Variants in ADARB1 observed in about 807,000 individuals in gnomAD.
ADARB1 encodes adenosine deaminase RNA specific B1.
Under a neutral mutation model 52.4 loss-of-function variants are expected in ADARB1, and 10 were observed. That is an observed-to-expected ratio of 0.19 (90% CI 0.12 to 0.32). The LOEUF (loss-of-function observed/expected upper bound fraction) is 0.32, where lower values mean the gene tolerates loss of function less well. Ranked by LOEUF, ADARB1 falls within the 10% of genes least tolerant of loss-of-function variation. The pLI, the probability that ADARB1 is intolerant of heterozygous loss-of-function variation, is 1.00. For missense variants in ADARB1, 643 were observed against 922.3 expected, an observed-to-expected ratio of 0.70 and a Z score of 3.92; for synonymous variants, 349 against 371.1, an observed-to-expected ratio of 0.94 and a Z score of 0.68.
intron 9 of ADARB1, among the ~76,000 whole-genome samples, chr21:45,218,204 A>C (rs2092903038): frequency 6.6e-6 from 1 of 152,018 alleles, no homozygotes. Flanking sequence ...ACCCTACCTA[A>C]ACCTGCCCCA....
intron 1 of ADARB1, among the ~76,000 whole-genome samples, chr21:45,102,238 C>T (rs1056083295): frequency 3.3e-5 from 5 of 152,132 alleles, no homozygotes; most frequent in African/African-American, 1.2e-4. Flanking sequence ...AATTATCTTC[C>T]TTACCTTGGT....
rs758404293 is a variant in ADARB1 at position 45,208,656 on chromosome 21, G to T, written c.1747+3920G>T. 5.3e-4 allele frequency among the ~76,000 whole-genome samples: 81 copies of T among 152,076 alleles called. No individual in the cohort carries two copies. Among genetic ancestry groups the T allele is most frequent in the South Asian group, 8.3e-4 (4 of 4,810 alleles). Reference sequence around the variant, plus strand: ...TGTGTGTGTGAGTGCATGTGAGTGTGTGCATGAGTGCGTGTGTGTATGAGT... The same window carrying T: ...TGTGTGTGTGAGTGCATGTGAGTGTTTGCATGAGTGCGTGTGTGTATGAGT... On this transcript the variant is annotated intron_variant, in intron 9 of 10. Coordinates refer to ENST00000348831, the MANE Select transcript of ADARB1 (RefSeq NM_001112.4). The surrounding 1 kb of genome is among the most constrained non-coding windows in gnomAD (Gnocchi z 5.6).
chr21:45,098,014 C>CT (rs2086838803), intron 1 of ADARB1, among the ~76,000 whole-genome samples: 1 of 152,202 alleles, frequency 6.6e-6, no homozygotes, highest in South Asian at 2.1e-4. Flanking sequence ...CACCCAGCTG[C>CT]TGGAAACCTG....
intron 2 of ADARB1, chr21:45,144,738 A>G: frequency 2.4e-6 from 1 of 421,412 alleles, no homozygotes; most frequent in Non-Finnish European, 4.8e-6. Context: ...ATGAATTAAT[A>G]TGCAGTAAGA....
chr21:45,170,860 A>T (rs1361504201), intron 2 of ADARB1, among the ~76,000 whole-genome samples: 1 of 152,250 alleles, frequency 6.6e-6, no homozygotes, highest in Non-Finnish European at 1.5e-5. Context: ...ATTTGTTAGT[A>T]ACTAGAAATT....
intron 2 of ADARB1, among the ~76,000 whole-genome samples, chr21:45,146,807 G>T (rs772423348): frequency 6.6e-6 from 1 of 152,178 alleles, no homozygotes; most frequent in Non-Finnish European, 1.5e-5. Flanking sequence ...TTTACCATCT[G>T]TCTTTTCCTT....
At chr21:45,161,479 C>T (rs1286513230) in intron 2 of ADARB1, among the ~76,000 whole-genome samples, 3 of 152,210 alleles carry the variant, frequency 2.0e-5, no homozygotes, top group East Asian at 3.9e-4. Context: ...CAGGGCAGTG[C>T]TGACATGCCA....
At chr21:45,150,338 C>T (rs982926957) in intron 2 of ADARB1, among the ~76,000 whole-genome samples, 1 of 151,946 alleles carries the variant, frequency 6.6e-6, no homozygotes, top group African/African-American at 2.4e-5. Flanking sequence ...ATCTTTCTAT[C>T]AAAAATTTGA....
intron 2 of ADARB1, among the ~76,000 whole-genome samples, chr21:45,148,204 C>T (rs2090105964): frequency 1.3e-5 from 2 of 152,212 alleles, no homozygotes; most frequent in African/African-American, 4.8e-5. Context: ...TCCTTTATGC[C>T]CTCACGGACC....
At chr21:45,198,175 G>T (rs1029484831) in intron 8 of ADARB1, among the ~76,000 whole-genome samples, 1 of 152,182 alleles carries the variant, frequency 6.6e-6, no homozygotes, top group African/African-American at 2.4e-5. Context: ...AATTAGTTTT[G>T]TAAGCAACAA....
chr21:45,184,248 G>C (rs890380579), intron 7 of ADARB1, among the ~76,000 whole-genome samples: 1 of 152,058 alleles, frequency 6.6e-6, no homozygotes, highest in Non-Finnish European at 1.5e-5. Flanking sequence ...AAATATAGAG[G>C]AAAATAACAT....
At chr21:45,183,322 A>G (rs2091991649) in intron 6 of ADARB1, 40 bp from the exon 7 acceptor site, 2 of 1,567,466 alleles carry the variant, frequency 1.3e-6, no homozygotes, top group Admixed American at 2.0e-5. Flanking sequence ...TTAACTATAT[A>G]CAGCTTTAAA....
At chr21:45,205,861 T>A (rs192748138) in intron 9 of ADARB1, among the ~76,000 whole-genome samples, 1 of 152,318 alleles carries the variant, frequency 6.6e-6, no homozygotes, top group Admixed American at 6.5e-5. Flanking sequence ...TGTGTGCTTG[T>A]GTTTGTGCTG....
Position 45,175,961 on chromosome 21 carries a change from A to G in ADARB1, c.260A>G (p.Asn87Ser), listed in dbSNP as rs1375152496. The change falls in exon 4 of 11, where the codon AAT (asparagine) becomes AGT (serine). Residue 87 changes from asparagine to serine, a missense_variant. By Grantham distance (46) the Asn-to-Ser change is conservative. This residue lies in a region of ADARB1 where 380 missense variants were observed against 446.5 expected (regional missense o/e 0.85). Transcript: ENST00000348831. ...VLPKNALMQL[N>S]EIKPGLQYTL... Reference sequence around the variant, plus strand: ...CCCAAGAACGCCCTGATGCAGCTGAATGAGATCAAGCCTGGTTTGCAGTAC... The same window carrying G: ...CCCAAGAACGCCCTGATGCAGCTGAGTGAGATCAAGCCTGGTTTGCAGTAC... The G allele has an allele frequency of 6.2e-7, 1 of 1,611,996 alleles. No individual in the cohort carries two copies. The highest frequency in any genetic ancestry group is 8.5e-7 in the Non-Finnish European group (1 of 1,179,216).
Position 45,220,684 on chromosome 21 carries a change from C to A in ADARB1, c.1748-152C>A. 1.3e-6 allele frequency: 1 copy of A among 777,972 alleles called. No homozygotes were observed. Among genetic ancestry groups the A allele is most frequent in the Non-Finnish European group, 2.0e-6 (1 of 489,776 alleles). The allele number at this position is 777,972 out of a possible 1,614,324, so 48.2% of individuals were successfully genotyped here. On this transcript the variant is annotated intron_variant, in intron 9 of 10. Transcript: ENST00000348831. This position sits in a 1 kb window ranked among gnomAD's most constrained non-coding sequence, Gnocchi z 6.3. ...TGTGAGGCCACTGCCACGGCAGATG[C>A]ACGCTCAAGTCTGCGTATATTCCTC...
chr21:45,125,819 G>T (rs561791099), intron 1 of ADARB1, among the ~76,000 whole-genome samples: 2 of 152,328 alleles, frequency 1.3e-5, no homozygotes, highest in East Asian at 3.9e-4. Flanking sequence ...GCCGTTATAT[G>T]TAATTAATAC....
intron 2 of ADARB1, among the ~76,000 whole-genome samples, chr21:45,134,143 G>A (rs1300370844): frequency 2.5e-5 from 3 of 120,314 alleles, no homozygotes; most frequent in Non-Finnish European, 3.4e-5. Context: ...GTGTGTGCCC[G>A]ACAGTGGTGT....
At chr21:45,113,377 C>G (rs985608744) in intron 1 of ADARB1, among the ~76,000 whole-genome samples, 17 of 151,896 alleles carry the variant, frequency 1.1e-4, no homozygotes, top group Non-Finnish European at 2.2e-4. Context: ...GAGCTAAGAT[C>G]GTGCCACTGT....
At chr21:45,109,362 T>C (rs546944367) in intron 1 of ADARB1, among the ~76,000 whole-genome samples, 93 of 152,254 alleles carry the variant, frequency 6.1e-4, no homozygotes, top group Non-Finnish European at 1.1e-3. Flanking sequence ...CCATGAGTCC[T>C]GTGGCACCAC....
Sources: gnomAD v4.1 joint callset for allele counts (sites outside exome capture counted in the v4.1 genomes callset) on GRCh38, gnomAD v4.1.1 for gene constraint, gnomAD v4.1.1 regional missense constraint, Gnocchi (gnomAD v3.1) non-coding constraint, MANE v1.5 for transcripts, NCBI Gene and HGNC (gene_info 2026-07-23, HGNC 2026-07-21) for gene names.